Variants in CEMIP observed in about 807,000 individuals in gnomAD.
The protein encoded by CEMIP is cell migration-inducing and hyaluronan-binding protein.
Under a neutral mutation model 156.9 loss-of-function variants are expected in CEMIP, and 105 were observed. The ratio of observed to expected loss-of-function variants is 0.67; its 90% CI spans 0.57 to 0.79. CEMIP has a LOEUF of 0.79. CEMIP is among the 30% of genes least tolerant of loss of function. The probability of loss-of-function intolerance (pLI) is 0.00; values close to 1 mark genes in which losing one functional copy is unlikely to be tolerated. For synonymous variants in CEMIP, 676 were observed against 668.4 expected, an observed-to-expected ratio of 1.01 and a Z score of -0.17; for missense variants, 1,457 against 1,769.4, an observed-to-expected ratio of 0.82 and a Z score of 3.17.
chr15:80,823,233 C>CAGAT (rs1896950864), intron 1 of CEMIP, among the ~76,000 whole-genome samples: 1 of 152,094 alleles, frequency 6.6e-6, no homozygotes, highest in South Asian at 2.1e-4. Flanking sequence ...GTGGTTTTTA[C>CAGAT]AGATATTTGT....
At chr15:80,887,800 A>G (rs1189680885) in intron 8 of CEMIP, 36 bp downstream of exon 8, 2 of 1,521,096 alleles carry the variant, frequency 1.3e-6, no homozygotes, top group South Asian at 1.1e-5. Context: ...GATTCCCTCC[A>G]GTGTCTCTCT....
At chr15:80,842,357 A>C (rs1897444599) in intron 1 of CEMIP, among the ~76,000 whole-genome samples, 1 of 152,090 alleles carries the variant, frequency 6.6e-6, no homozygotes, top group Non-Finnish European at 1.5e-5. Context: ...TTAGTCAACA[A>C]ATGTTTACTA....
At chr15:80,843,242 G>A (rs1169710309) in intron 1 of CEMIP, among the ~76,000 whole-genome samples, 1 of 152,214 alleles carries the variant, frequency 6.6e-6, no homozygotes, top group Non-Finnish European at 1.5e-5. Context: ...TAACTCACCA[G>A]TCCAGTGGTC....
chr15:80,897,107 G>A, intron 12 of CEMIP: 1 of 324,740 alleles, frequency 3.1e-6, no homozygotes, highest in South Asian at 2.6e-5. Context: ...AAGGAAAATT[G>A]GGATATATTA....
At chr15:80,816,674 T>C (rs1205250026) in intron 1 of CEMIP, among the ~76,000 whole-genome samples, 1 of 152,122 alleles carries the variant, frequency 6.6e-6, no homozygotes, top group Non-Finnish European at 1.5e-5. Context: ...TCAGCTGGAT[T>C]GAAACTCTTC....
intron 1 of CEMIP, among the ~76,000 whole-genome samples, chr15:80,840,075 A>C (rs1897363662): frequency 6.6e-6 from 1 of 152,220 alleles, no homozygotes; most frequent in Non-Finnish European, 1.5e-5. Context: ...AGAGAAAGTC[A>C]TAAGCACCCA....
At chr15:80,830,606 C>T (rs959211063) in intron 1 of CEMIP, among the ~76,000 whole-genome samples, 3 of 152,116 alleles carry the variant, frequency 2.0e-5, no homozygotes, top group East Asian at 1.9e-4. Flanking sequence ...GGGGGATGAA[C>T]GTCTTTGTGT....
intron 1 of CEMIP, among the ~76,000 whole-genome samples, chr15:80,793,046 T>G (rs1204590938): frequency 6.6e-6 from 1 of 152,152 alleles, no homozygotes; most frequent in Non-Finnish European, 1.5e-5. Flanking sequence ...GAAAATACAG[T>G]TTAAGAAGTG....
chr15:80,940,379 T>G (rs1901290776), intron 25 of CEMIP, among the ~76,000 whole-genome samples: 1 of 152,252 alleles, frequency 6.6e-6, no homozygotes, highest in African/African-American at 2.4e-5. Context: ...TTAAGTTTTG[T>G]GCAGAAGCCT....
intron 1 of CEMIP, among the ~76,000 whole-genome samples, chr15:80,848,900 G>GCACACACACACACACACA (rs3221932): frequency 0.077 from 10,410 of 134,522 alleles, 511 homozygotes; most frequent in South Asian, 0.11. Flanking sequence ...GTGTGCGCGT[G>GCACACACACACACACACA]CACACACACA....
chr15:80,880,282 G>A (rs1303589989), intron 5 of CEMIP, among the ~76,000 whole-genome samples: 1 of 152,206 alleles, frequency 6.6e-6, no homozygotes, highest in Admixed American at 6.5e-5. Flanking sequence ...GCATGTCCAG[G>A]TGATTCCACA....
Position 80,937,569 on chromosome 15 carries a change from G to A in CEMIP, c.3222-225G>A, listed in dbSNP as rs8026419. Among the ~76,000 whole-genome samples the A allele has an allele frequency of 0.12, 18,359 of 152,254 alleles. 1,102 individuals carry two copies. Among genetic ancestry groups the A allele is most frequent in the Middle Eastern group, 0.19 (55 of 294 alleles). ...CAGGGTTGGCCCTGGAGACACACCA[G>A]TGAAGCATTCAGGCTCTTTGCTCAT... On this transcript the variant is annotated intron_variant, in intron 24 of 29. Transcript: ENST00000394685.
At chr15:80,829,506 C>T (rs1324081629) in intron 1 of CEMIP, among the ~76,000 whole-genome samples, 1 of 152,216 alleles carries the variant, frequency 6.6e-6, no homozygotes, top group African/African-American at 2.4e-5. Flanking sequence ...TTCTGGACCG[C>T]CCTGCCATGT....
intron 1 of CEMIP, among the ~76,000 whole-genome samples, chr15:80,858,066 G>T (rs1348160764): frequency 6.6e-6 from 1 of 152,162 alleles, no homozygotes; most frequent in Non-Finnish European, 1.5e-5. Context: ...GAAGGGTCAG[G>T]CCACACAGGG....
rs2141919928 is a variant in CEMIP, at chr15:80,920,088, C to G, written c.1798-6C>G. On this transcript the variant is annotated splice_region_variant and splice_polypyrimidine_tract_variant and intron_variant, in intron 14 of 29. Coordinates refer to ENST00000394685, the MANE Select transcript of CEMIP (RefSeq NM_001293298.2). ...TGGTGAAACACCCCTGTCTTGACCC[C>G]TGCAGATCAAGGACGTTGTGGGCTA... 4.3e-6 allele frequency: 7 copies of G among 1,614,134 alleles called. No homozygotes were observed. The highest frequency in any genetic ancestry group is 5.9e-6 in the Non-Finnish European group (7 of 1,179,964).
intron 1 of CEMIP, among the ~76,000 whole-genome samples, chr15:80,837,382 T>C (rs1016304745): frequency 3.3e-5 from 5 of 152,110 alleles, no homozygotes; most frequent in African/African-American, 1.2e-4. Context: ...CCAGGCTCCT[T>C]TGGAAGAGGA....
At chr15:80,910,618 G>A (rs904071742) in intron 14 of CEMIP, among the ~76,000 whole-genome samples, 7 of 152,158 alleles carry the variant, frequency 4.6e-5, no homozygotes, top group Non-Finnish European at 1.0e-4. Context: ...AGAGATCATC[G>A]GCTTTGGAGC....
intron 2 of CEMIP, 33 bp from the exon 3 acceptor site, chr15:80,873,831 C>A: frequency 6.7e-7 from 1 of 1,487,074 alleles, no homozygotes; most frequent in Non-Finnish European, 9.2e-7. Context: ...CCTGCCAAGG[C>A]TGCATGTCTG....
At chr15:80,796,466 A>T (rs28515529) in intron 1 of CEMIP, among the ~76,000 whole-genome samples, 59,578 of 151,718 alleles carry the variant, frequency 0.39, 12,732 homozygotes, top group African/African-American at 0.57. Context: ...TCGAAAGGAG[A>T]CTGCCAGGAA....
Sources: allele counts gnomAD v4.1 joint callset (sites outside exome capture counted in the v4.1 genomes callset), GRCh38; gene constraint gnomAD v4.1.1; transcripts MANE v1.5; gene names NCBI Gene and HGNC (gene_info 2026-07-23, HGNC 2026-07-21).